TOGARAM2: variants seen among roughly 807,000 people sequenced by gnomAD.
TOGARAM2 encodes TOG array regulator of axonemal microtubules protein 2.
Under a neutral mutation model 93.3 loss-of-function variants are expected in TOGARAM2, and 85 were observed. The observed-to-expected ratio is 0.91, with a 90% CI of 0.76 to 1.09. TOGARAM2 has a LOEUF of 1.09. TOGARAM2 is among the 50% of genes least tolerant of loss of function. The pLI, the probability that TOGARAM2 is intolerant of heterozygous loss-of-function variation, is 0.00. For missense variants in TOGARAM2, 1,277 were observed against 1,334.5 expected, an observed-to-expected ratio of 0.96 and a Z score of 0.67; for synonymous variants, 593 against 552.8, an observed-to-expected ratio of 1.07 and a Z score of -1.02.
intron 1 of TOGARAM2, among the ~76,000 whole-genome samples, chr2:28,976,113 G>A (rs1672025013): frequency 6.6e-6 from 1 of 152,232 alleles, no homozygotes. Context: ...GCTCACGCCT[G>A]TAATCCCAGC....
intron 12 of TOGARAM2, 71 bp from the exon 13 acceptor site, chr2:29,024,068 C>T: frequency 7.6e-7 from 1 of 1,310,650 alleles, no homozygotes; most frequent in Middle Eastern, 2.2e-4. Context: ...TGGTGCAGGG[C>T]CCATTTTCCA....
intron 6 of TOGARAM2, among the ~76,000 whole-genome samples, chr2:29,005,803 T>G (rs566532048): frequency 2.3e-4 from 34 of 148,302 alleles, no homozygotes; most frequent in African/African-American, 8.5e-4. Context: ...TGTGTATGAG[T>G]GCATGTGTGT....
chr2:28,977,650 G>A (rs1364892146), upstream of TOGARAM2, among the ~76,000 whole-genome samples: 1 of 152,208 alleles, frequency 6.6e-6, no homozygotes, highest in African/African-American at 2.4e-5. Flanking sequence ...TGTGGAACCT[G>A]GCTGGCGCTG....
chr2:29,044,928 T>G (rs1666651882), intron 18 of TOGARAM2, among the ~76,000 whole-genome samples: 1 of 151,876 alleles, frequency 6.6e-6, no homozygotes, highest in African/African-American at 2.4e-5. Flanking sequence ...ATCTCTATTA[T>G]CTATCTTCTA....
chr2:28,986,112 C>A (rs984105573), intron 1 of TOGARAM2, among the ~76,000 whole-genome samples: 1,663 of 93,830 alleles, frequency 0.018, no homozygotes, highest in East Asian at 0.03. Flanking sequence ...AACTGTGTCT[C>A]AAAAAAAAAA....
At chr2:28,965,300 T>C (rs561156572) in intron 1 of TOGARAM2, among the ~76,000 whole-genome samples, 7 of 152,382 alleles carry the variant, frequency 4.6e-5, no homozygotes, top group Admixed American at 4.6e-4. Flanking sequence ...GCCACTCTGC[T>C]ATTTCTTTTC....
chr2:28,980,068 A>G (rs1323163987), upstream of TOGARAM2, among the ~76,000 whole-genome samples: 2 of 152,216 alleles, frequency 1.3e-5, no homozygotes, highest in Non-Finnish European at 2.9e-5. Context: ...CCCAAGGGGA[A>G]TCCGCACAGC....
chr2:28,969,812 C>CTTTT (rs66931912), intron 1 of TOGARAM2, among the ~76,000 whole-genome samples: 17 of 127,858 alleles, frequency 1.3e-4, no homozygotes, highest in Non-Finnish European at 1.6e-4. Flanking sequence ...GGTTGTCTTC[C>CTTTT]TTTTTTTTTT....
intron 1 of TOGARAM2, among the ~76,000 whole-genome samples, chr2:28,975,040 T>C (rs927564075): frequency 1.3e-5 from 2 of 152,110 alleles, no homozygotes; most frequent in Admixed American, 6.6e-5. Context: ...GTCATATTAA[T>C]GCTGTTATTT....
chr2:29,006,362 G>C (rs1430065293), intron 6 of TOGARAM2, among the ~76,000 whole-genome samples: 1 of 149,958 alleles, frequency 6.7e-6, no homozygotes, highest in African/African-American at 2.5e-5. Flanking sequence ...GTGAGTGCAT[G>C]TGTGTGCATG....
chr2:28,959,533 C>T (rs926837002), intron 1 of TOGARAM2, among the ~76,000 whole-genome samples: 2 of 152,156 alleles, frequency 1.3e-5, no homozygotes, highest in Non-Finnish European at 2.9e-5. Flanking sequence ...GGGGGCGGAT[C>T]ACAAGGTCAG....
At position 29,035,642 on chromosome 2, in the gene TOGARAM2, G is replaced by A. The variant is rs1339996217; in HGVS notation, c.2404G>A (p.Ala802Thr). 5 of 1,508,554 alleles carry A rather than the reference G, an allele frequency of 3.3e-6. No individual in the cohort carries two copies. Among genetic ancestry groups the A allele is most frequent in the Non-Finnish European group, 3.6e-6 (4 of 1,124,480 alleles). 93.4% of individuals were successfully genotyped at this position (1,508,554 alleles called of 1,614,324 possible). ...CAAGGCCAAGACGGAGCTTGTCACT[G>A]CCCACCTGGTCCAGGTGAGCACCGC... is the stretch of plus-strand genomic sequence containing the variant. Reference protein sequence around the residue: ...LCKAKTELVTAHLVQVFDAFT... With the variant: ...LCKAKTELVTTHLVQVFDAFT... Residue 802 changes from alanine to threonine, a missense_variant, in exon 17 of 20, where the codon GCC becomes ACC. Transcript: ENST00000379558.
At chr2:28,990,991 G>GGGTGT (rs1172157732) in intron 1 of TOGARAM2, among the ~76,000 whole-genome samples, 1 of 119,812 alleles carries the variant, frequency 8.3e-6, no homozygotes, top group Admixed American at 8.6e-5. Flanking sequence ...GTGTGTGAAG[G>GGGTGT]GTGTGTGTGT....
chr2:28,999,625 A>T (rs1436560948), intron 4 of TOGARAM2, among the ~76,000 whole-genome samples, 157 bp downstream of exon 4: 1 of 152,130 alleles, frequency 6.6e-6, no homozygotes, highest in African/African-American at 2.4e-5. Flanking sequence ...CTATGGCTTC[A>T]GCGACCTCCT....
intron 1 of TOGARAM2, among the ~76,000 whole-genome samples, chr2:28,989,140 C>G (rs1672596653): frequency 6.6e-6 from 1 of 152,148 alleles, no homozygotes; most frequent in South Asian, 2.1e-4. Context: ...ACCTCTGCCT[C>G]CCATGTTCAA....
At chr2:29,000,248 G>A (rs952558498) in intron 4 of TOGARAM2, among the ~76,000 whole-genome samples, 12 of 152,252 alleles carry the variant, frequency 7.9e-5, no homozygotes, top group East Asian at 5.8e-4. Flanking sequence ...CTCAAGAAAC[G>A]TTTGTTGAGC....
At chr2:28,966,375 G>A (rs928073999) in intron 1 of TOGARAM2, among the ~76,000 whole-genome samples, 2 of 152,082 alleles carry the variant, frequency 1.3e-5, no homozygotes, top group Non-Finnish European at 2.9e-5. Flanking sequence ...TCAGCTCACT[G>A]CAATCTCCAC....
intron 19 of TOGARAM2, chr2:29,050,785 T>A (rs1244876203): frequency 6.6e-6 from 1 of 152,226 alleles, no homozygotes; most frequent in Non-Finnish European, 1.5e-5. Flanking sequence ...GCGCTTAGGA[T>A]AATGCGGCCA....
chr2:29,040,116 G>GTGC (rs1666343139), intron 18 of TOGARAM2, among the ~76,000 whole-genome samples: 1 of 152,010 alleles, frequency 6.6e-6, no homozygotes, highest in Non-Finnish European at 1.5e-5. Context: ...TGCATCCATG[G>GTGC]TGCTCCTCCA....
Sources: allele counts gnomAD v4.1 joint callset (sites outside exome capture counted in the v4.1 genomes callset), GRCh38; gene constraint gnomAD v4.1.1; transcripts MANE v1.5; gene names NCBI Gene and HGNC (gene_info 2026-07-23, HGNC 2026-07-21).